The following VTI1A variants were observed in gnomAD, a reference collection of about 807,000 sequenced individuals.
VTI1A encodes the protein vesicle transport through interaction with t-SNAREs homolog 1A.
A neutral mutation model predicts 34.9 loss-of-function variants in VTI1A; 22 were observed. The observed-to-expected ratio is 0.63, with a 90% confidence interval of 0.45 to 0.90. The LOEUF is 0.90. VTI1A is among the 40% of genes least tolerant of loss of function. VTI1A has a pLI of 0.00. For synonymous variants in VTI1A, 87 were observed against 97.3 expected (o/e 0.89, Z 0.62); for missense variants, 268 against 275.6 (o/e 0.97, Z 0.20).
In VTI1A at chr10:112,554,578, G is replaced by T. The variant is rs188529391; in HGVS notation, c.427+16248G>T. Among the ~76,000 whole-genome samples the T allele has an allele frequency of 5.9e-5, 9 of 152,226 alleles. No individual in the cohort carries two copies. The East Asian group carries it at 1.2e-3, about 20-fold the overall frequency. On this transcript the variant is annotated intron_variant, in intron 5 of 7. Transcript: ENST00000393077. ...AAGTTTATTTCAACAAAAGGACATT[G>T]CAATCACAGTAGTCTTCATATTTAT...
At chr10:112,475,837 A>G (rs1342984840) in intron 3 of VTI1A, among the ~76,000 whole-genome samples, 3 of 152,160 alleles carry the variant, frequency 2.0e-5, no homozygotes, top group Non-Finnish European at 2.9e-5. Flanking sequence ...GCCATTTTTT[A>G]AAAAAGAAAC....
At chr10:112,603,380 G>A (rs1478599742) in intron 5 of VTI1A, among the ~76,000 whole-genome samples, 1 of 152,172 alleles carries the variant, frequency 6.6e-6, no homozygotes, top group Non-Finnish European at 1.5e-5. Flanking sequence ...TATAGCAGAG[G>A]TAGGAAGGGT....
At chr10:112,736,016 A>G (rs1850438974) in intron 7 of VTI1A, among the ~76,000 whole-genome samples, 1 of 148,268 alleles carries the variant, frequency 6.7e-6, no homozygotes, top group South Asian at 2.1e-4. Flanking sequence ...ATATTTTAAA[A>G]CATATTTTAT....
chr10:112,797,050 A>G (rs1415433380), intron 7 of VTI1A, among the ~76,000 whole-genome samples: 1 of 152,196 alleles, frequency 6.6e-6, no homozygotes, highest in Non-Finnish European at 1.5e-5. Flanking sequence ...TGCACAAAAC[A>G]AGTACTAGCA....
At chr10:112,496,185 A>ACACCCC (rs1849011433) in intron 3 of VTI1A, among the ~76,000 whole-genome samples, 1 of 27,836 alleles carries the variant, frequency 3.6e-5, no homozygotes, top group Non-Finnish European at 6.6e-5. Context: ...AAATGGGGAG[A>ACACCCC]CCCCCCCCCC....
intron 4 of VTI1A, chr10:112,533,639 GT>G: frequency 3.8e-6 from 3 of 790,686 alleles, no homozygotes; most frequent in Non-Finnish European, 4.6e-6. Context: ...CTTTGGATTT[GT>G]TTTTCCAGGT....
At chr10:112,845,859 A>T in the VTI1A span, among the ~76,000 whole-genome samples, 14 of 152,168 alleles carry the variant, frequency 9.2e-5, no homozygotes, top group Non-Finnish European at 2.1e-4. Flanking sequence ...CTCTGCTAAA[A>T]ATACAAAAAT....
chr10:112,580,366 C>T (rs1843877116), intron 5 of VTI1A, among the ~76,000 whole-genome samples: 1 of 152,058 alleles, frequency 6.6e-6, no homozygotes, highest in South Asian at 2.1e-4. Flanking sequence ...AAGGCAAGGT[C>T]AAGAACTTAG....
At chr10:112,835,829 AT>A in the VTI1A span, among the ~76,000 whole-genome samples, 1 of 152,136 alleles carries the variant, frequency 6.6e-6, no homozygotes, top group Non-Finnish European at 1.5e-5. Context: ...TCTCAGATAT[AT>A]TGGGGTAGGG....
intron 7 of VTI1A, among the ~76,000 whole-genome samples, chr10:112,768,788 G>A (rs991033632): frequency 6.6e-6 from 1 of 152,192 alleles, no homozygotes; most frequent in Non-Finnish European, 1.5e-5. Flanking sequence ...TAAATTTCCT[G>A]ATTTGGGTAA....
chr10:112,760,644 A>AT (rs1192809084), intron 7 of VTI1A, among the ~76,000 whole-genome samples: 4 of 152,198 alleles, frequency 2.6e-5, no homozygotes, highest in African/African-American at 9.6e-5. Context: ...CAATCCCAGC[A>AT]TTTTGGGAGG....
chr10:112,638,275 A>T (rs929843483), intron 5 of VTI1A, among the ~76,000 whole-genome samples: 1 of 152,186 alleles, frequency 6.6e-6, no homozygotes, highest in East Asian at 1.9e-4. Context: ...TTTACATGGG[A>T]GGGAGTTATT....
At chr10:112,570,759 T>C (rs998384295) in intron 5 of VTI1A, among the ~76,000 whole-genome samples, 11 of 152,242 alleles carry the variant, frequency 7.2e-5, no homozygotes, top group African/African-American at 2.7e-4. Flanking sequence ...GCACATAATA[T>C]CTCATAGAAG....
At chr10:112,527,188 C>T (rs748363402) in intron 4 of VTI1A, 24 bp downstream of exon 4, 24 of 1,609,638 alleles carry the variant, frequency 1.5e-5, no homozygotes, top group South Asian at 5.5e-5. Context: ...CAGGAAGGCC[C>T]GGTGGGTGGC....
At chr10:112,792,616 G>T (rs1028045870) in intron 7 of VTI1A, among the ~76,000 whole-genome samples, 3 of 152,076 alleles carry the variant, frequency 2.0e-5, no homozygotes, top group African/African-American at 7.2e-5. Context: ...TCCTTCCCCA[G>T]AACTCTTCAA....
chr10:112,511,183 C>T (rs1028519426), intron 3 of VTI1A, among the ~76,000 whole-genome samples: 9 of 151,712 alleles, frequency 5.9e-5, no homozygotes, highest in African/African-American at 9.7e-5. Flanking sequence ...CTTTTGTTAG[C>T]GTTTTGCTCC....
At chr10:112,460,287 T>C (rs1407147055) in intron 1 of VTI1A, among the ~76,000 whole-genome samples, 1 of 152,192 alleles carries the variant, frequency 6.6e-6, no homozygotes, top group Admixed American at 6.5e-5. Context: ...AAAATAGGTC[T>C]CTCTTAAAAA....
At chr10:112,754,206 C>G (rs983371905) in intron 7 of VTI1A, among the ~76,000 whole-genome samples, 1 of 152,178 alleles carries the variant, frequency 6.6e-6, no homozygotes, top group African/African-American at 2.4e-5. Flanking sequence ...GTTATGAAAT[C>G]TCCTATGTAA....
chr10:112,538,434 C>T, intron 5 of VTI1A, 104 bp downstream of exon 5: 6 of 1,047,378 alleles, frequency 5.7e-6, no homozygotes, highest in Middle Eastern at 2.1e-4. Context: ...GACAGCAGCC[C>T]GAGATGTGGT....
Sources: allele counts gnomAD v4.1 joint callset (sites outside exome capture counted in the v4.1 genomes callset), GRCh38; gene constraint gnomAD v4.1.1; transcripts MANE v1.5; gene names NCBI Gene and HGNC (gene_info 2026-07-23, HGNC 2026-07-21).